Variants in TONSL observed in about 807,000 individuals in gnomAD.
The protein encoded by TONSL is tonsoku like, DNA repair protein, also known as tonsoku-like protein.
Under a neutral mutation model 147.1 loss-of-function variants are expected in TONSL, and 112 were observed. That is an observed-to-expected ratio of 0.76 (90% CI 0.65 to 0.89). The LOEUF is 0.89. Ranked by LOEUF, TONSL falls within the 40% of genes least tolerant of loss-of-function variation. The pLI, the probability that TONSL is intolerant of heterozygous loss-of-function variation, is 0.00. For missense variants in TONSL, 1,883 were observed against 1,864.6 expected, an observed-to-expected ratio of 1.01 and a Z score of -0.18; for synonymous variants, 868 against 801.5, an observed-to-expected ratio of 1.08 and a Z score of -1.40.
chr8:144,429,073 G>A lies in TONSL; in HGVS notation c.*70C>T, dbSNP rs1318322891. 1 of 1,439,012 alleles carries A rather than the reference G, an allele frequency of 6.9e-7. No individual in the cohort carries two copies. The highest frequency in any genetic ancestry group is 1.5e-5 in the African/African-American group (1 of 68,088). 89.1% of individuals were successfully genotyped at this position (1,439,012 alleles called of 1,614,324 possible). On this transcript the variant is annotated 3_prime_UTR_variant, in exon 26 of 26. Coordinates refer to ENST00000409379, the MANE Select transcript of TONSL (RefSeq NM_013432.5). Reference sequence around the variant, plus strand: ...CAAAGTGTTGGGATTACAGGCGTGAGCCACCGCGCCCGGCCAGCAGCTTCA... The same window carrying A: ...CAAAGTGTTGGGATTACAGGCGTGAACCACCGCGCCCGGCCAGCAGCTTCA...
Position 144,433,712 on chromosome 8 carries a change from A to C in TONSL, c.3435T>G (p.Cys1145Trp). 1 of 1,608,620 alleles carries C rather than the reference A, an allele frequency of 6.2e-7. No homozygotes were observed. Among genetic ancestry groups the C allele is most frequent in the Non-Finnish European group, 8.5e-7 (1 of 1,177,988 alleles). Residue 1145 changes from cysteine to tryptophan, a missense_variant, in exon 22 of 26, where the codon TGT becomes TGG. Transcript: ENST00000409379. ...GCAGGAGGGAGGCCAGGGACTGGCC[A>C]CAGCCGTCCCCCAGGGGGTTCATGC... is the stretch of plus-strand genomic sequence containing the variant. ...DLSMNPLGDG[C>W]GQSLASLLHA...
At chr8:144,434,324 T>C in intron 20 of TONSL, 45 bp from the exon 21 acceptor site, 1 of 1,450,386 alleles carries the variant, frequency 6.9e-7, no homozygotes, top group Admixed American at 2.7e-5. Context: ...CGGCCCTTTC[T>C]GCCCTCTGAA....
rs375292094 is a variant in TONSL, at chr8:144,440,998, A to T, written c.979T>A (p.Phe327Ile). The T allele has an allele frequency of 1.1e-5, 17 of 1,613,056 alleles. No individual in the cohort carries two copies. Among genetic ancestry groups the T allele is most frequent in the Non-Finnish European group, 1.4e-5 (16 of 1,179,988 alleles). The change falls in exon 8 of 26, where the codon TTT becomes ATT. Residue 327 changes from phenylalanine to isoleucine, a missense_variant. By Grantham distance (21) the Phe-to-Ile change is conservative. Coordinates refer to ENST00000409379, the MANE Select transcript of TONSL (RefSeq NM_013432.5). ...TGGTAAGCCTCAGCTGCCCTGGGAA[A>T]GTCTCCTGCCTTGGAGAAGAGGTCC... ...LGDLFSKAGD[F>I]PRAAEAYQKQ...
chr8:144,440,277 G>T, intron 10 of TONSL, 67 bp from the exon 11 acceptor site: 1 of 1,557,682 alleles, frequency 6.4e-7, no homozygotes, highest in Non-Finnish European at 8.7e-7. Context: ...TGGGGATGGG[G>T]CACAAGGGGC....
chr8:144,436,623 T>G lies in TONSL; in HGVS notation c.1949A>C (p.Asp650Ala). Reference sequence around the variant, plus strand: ...CCTGGCCTTCTGCCGCGTCTCCAGGTCCAGGTCCCTGCGGTACAGCTTCAC... The same window carrying G: ...CCTGGCCTTCTGCCGCGTCTCCAGGGCCAGGTCCCTGCGGTACAGCTTCAC... ...QWVKLYRRDL[D>A]LETRQKARAM... The change falls in exon 16 of 26, where the codon GAC becomes GCC. Residue 650 changes from aspartate to alanine, a missense_variant. Transcript: ENST00000409379. The G allele has an allele frequency of 6.2e-7, 1 of 1,612,068 alleles. No homozygotes were observed. Among genetic ancestry groups the G allele is most frequent in the Non-Finnish European group, 8.5e-7 (1 of 1,179,928 alleles).
At chr8:144,441,246 A>C in intron 7 of TONSL, 135 bp from the exon 8 acceptor site, 1 of 1,268,916 alleles carries the variant, frequency 7.9e-7, no homozygotes. Context: ...GTGGGGGTTA[A>C]TAGCAGGGTC....
chr8:144,441,499 G>T, intron 7 of TONSL: 1 of 211,746 alleles, frequency 4.7e-6, no homozygotes, highest in Admixed American at 5.2e-5. Context: ...GGCTGAGGCA[G>T]GAGAATGGCA....
rs1035298966 is a variant in TONSL at position 144,443,280 on chromosome 8, G to T, written c.306C>A (p.Asn102Lys). 1 of 1,550,624 alleles carries T rather than the reference G, an allele frequency of 6.4e-7. No individual in the cohort carries two copies. The highest frequency in any genetic ancestry group is 1.4e-5 in the African/African-American group (1 of 73,078). ...CCCAGGCCCTCTGCAGCTCCGTGTG[G>T]TTGCGCAGGGAATGTGCCAGCTCCA... ...QYLELAHSLRNHTELQRAWAT... is the reference protein window; with the variant it reads ...QYLELAHSLRKHTELQRAWAT... The change falls in exon 4 of 26, where the codon AAC (asparagine) becomes AAA (lysine). Residue 102 changes from asparagine to lysine, a missense_variant. Transcript: ENST00000409379.
At chr8:144,442,982 G>T in intron 4 of TONSL, 156 bp downstream of exon 4, 1 of 1,227,442 alleles carries the variant, frequency 8.1e-7, no homozygotes, top group Non-Finnish European at 1.1e-6. Context: ...CGATCTCCAG[G>T]GGAAAGGTTG....
Position 144,429,288 on chromosome 8 carries a change from G to A in TONSL, c.3992C>T (p.Ala1331Val), listed in dbSNP as rs1823067368. Residue 1331 changes from alanine (A) to valine (V), a missense_variant, in exon 26 of 26, where the codon GCC (alanine) becomes GTC (valine). Physicochemically the swap from Ala to Val is moderately conservative, Grantham distance 64. Transcript: ENST00000409379. ...CAGCTGCAGTTCCCGGAGCTGCGCG[G>A]CTATCTTGTCCCACAGGCCCAGGCC... ...PLGLGLWDKI[A>V]AQLRELQLCS... 4 of 1,510,472 alleles carry A rather than the reference G, an allele frequency of 2.6e-6. No individual in the cohort carries two copies. The highest frequency in any genetic ancestry group is 1.2e-5 in the South Asian group (1 of 81,946). 93.6% of individuals were successfully genotyped at this position (1,510,472 alleles called of 1,614,324 possible).
rs779139647 is a variant in TONSL at position 144,438,710 on chromosome 8, C to T, written c.1506G>A (p.Pro502=). The T allele has an allele frequency of 1.7e-5, 28 of 1,613,098 alleles. No individual in the cohort carries two copies. Among genetic ancestry groups the T allele is most frequent in the South Asian group, 5.5e-5 (5 of 91,072 alleles). ...GAAGCTCCTCGTCCTCCTCCAGCTGCGGGGTCAGGCCATCGGTGTCGTCCT... is the reference window on the plus strand; with the variant it reads ...GAAGCTCCTCGTCCTCCTCCAGCTGTGGGGTCAGGCCATCGGTGTCGTCCT... ...EGEDDTDGLT[P]QLEEDEELQG... is the part of the protein sequence containing the mutation. Residue 502 remains proline, a synonymous_variant, in exon 12 of 26, where the codon CCG becomes CCA. Coordinates refer to ENST00000409379, the MANE Select transcript of TONSL (RefSeq NM_013432.5).
At position 144,431,082 on chromosome 8, in the gene TONSL, A is replaced by C. The variant is rs574845380; in HGVS notation, c.3805T>G (p.Cys1269Gly). Residue 1269 changes from cysteine to glycine, a missense_variant, in exon 24 of 26, where the codon TGC becomes GGC. Cys to Gly is a radical substitution (Grantham distance 159). Transcript: ENST00000409379. The stretch of plus-strand genomic sequence containing the variant: ...GCAGCAGGGAAAGGGCGTTACCTGC[A>C]CAGGTCTCTAACAGCCTTGTCCCCC... ...HLGDKAVRDL[C>G]RCLSLCPSLI... 87 of 1,614,136 alleles carry C rather than the reference A, an allele frequency of 5.4e-5. No individual in the cohort carries two copies. The highest frequency in any genetic ancestry group is 6.9e-5 in the Non-Finnish European group (82 of 1,179,982).
rs572138803 is a variant in TONSL, at chr8:144,443,093, C to G, written c.448+45G>C. On this transcript the variant is annotated intron_variant, in intron 4 of 25. Transcript: ENST00000409379. ...CGGGGGTGCTGGGCTGCAGCCTCTT[C>G]GGCCCGAAGTTCAGGAGGCAGAAAA... The G allele has an allele frequency of 2.6e-6, 4 of 1,532,046 alleles. No individual in the cohort carries two copies. In the African/African-American group the frequency reaches 5.5e-5, roughly 21 times the overall value. The allele number at this position is 1,532,046 out of a possible 1,614,324, so 94.9% of individuals were successfully genotyped here.
Position 144,440,031 on chromosome 8 carries a change from G to A in TONSL, c.1470C>T (p.Leu490=). 6 of 1,318,202 alleles carry A rather than the reference G, an allele frequency of 4.6e-6. No individual in the cohort carries two copies. The highest frequency in any genetic ancestry group is 6.6e-6 in the Non-Finnish European group (6 of 911,750). The allele number at this position is 1,318,202 out of a possible 1,614,324, so 81.7% of individuals were successfully genotyped here. Residue 490 remains leucine (L), a synonymous_variant, in exon 11 of 26, where the codon CTC becomes CTT. Coordinates refer to ENST00000409379, the MANE Select transcript of TONSL (RefSeq NM_013432.5). ...SEALEAGEVE[L]SEGEDDTDGL... ...GCCGCTGGCCCTCACCGCCCTCTGA[G>A]AGCTCCACCTCGCCGGCCTCCAGGG...
At position 144,444,390 on chromosome 8, in the gene TONSL, G is replaced by T; in HGVS notation, c.25C>A (p.Gln9Lys). MSLERELR[Q>K]LSKAKAKAQR... ...AGGAAGGGGTCCCCGAGGAACTTAC[G>T]GCGAAGCTCGCGCTCCAGGCTCATG... Residue 9 changes from glutamine to lysine, a missense_variant and splice_region_variant, in exon 1 of 26, where the codon CAG becomes AAG. Physicochemically the swap from Gln to Lys is moderately conservative, Grantham distance 53. Transcript: ENST00000409379. The T allele has an allele frequency of 2.4e-6, 3 of 1,272,776 alleles. No individual in the cohort carries two copies. Among genetic ancestry groups the T allele is most frequent in the Non-Finnish European group, 3.0e-6 (3 of 1,007,496 alleles). 78.8% of individuals were successfully genotyped at this position (1,272,776 alleles called of 1,614,324 possible).
In TONSL at chr8:144,429,057, G is replaced by A. The variant is rs1214921941; in HGVS notation, c.*86C>T. 3 of 1,391,290 alleles carry A rather than the reference G, an allele frequency of 2.2e-6. No individual in the cohort carries two copies. Among genetic ancestry groups the A allele is most frequent in the Non-Finnish European group, 2.8e-6 (3 of 1,063,840 alleles). The allele number at this position is 1,391,290 out of a possible 1,614,324, so 86.2% of individuals were successfully genotyped here. A position where few individuals can be genotyped will look rare whatever the true frequency, so the allele number is the denominator to read the frequency against. On this transcript the variant is annotated 3_prime_UTR_variant, in exon 26 of 26. Coordinates refer to ENST00000409379, the MANE Select transcript of TONSL (RefSeq NM_013432.5). ...GCCCGCCTGGGCCTCCCAAAGTGTT[G>A]GGATTACAGGCGTGAGCCACCGCGC...
chr8:144,432,552 G>A, intron 22 of TONSL, 92 bp from the exon 23 acceptor site: 1 of 1,318,958 alleles, frequency 7.6e-7, no homozygotes, highest in Non-Finnish European at 1.0e-6. Flanking sequence ...ACCCCTTTGG[G>A]GAAACCACTA....
chr8:144,439,465 C>G (rs573399540), intron 11 of TONSL, among the ~76,000 whole-genome samples: 4 of 152,168 alleles, frequency 2.6e-5, no homozygotes, highest in Non-Finnish European at 5.9e-5. Context: ...CCCTGGAACA[C>G]CCCCCAACAG....
chr8:144,439,865 C>G lies in TONSL; in HGVS notation c.1480+156G>C, dbSNP rs1823634878. On this transcript the variant is annotated intron_variant, in intron 11 of 25. Coordinates refer to ENST00000409379, the MANE Select transcript of TONSL (RefSeq NM_013432.5). ...GCCCCAGGCTCCCTGCGGGTCACCA[C>G]CTTCTCTGTCCAGTTCCGGGAAAGC... The G allele has an allele frequency of 2.3e-5, 13 of 571,088 alleles. No homozygotes were observed. The South Asian group carries it at 3.0e-4, about 13-fold the overall frequency. 35.4% of individuals were successfully genotyped at this position (571,088 alleles called of 1,614,324 possible). A position where few individuals can be genotyped will look rare whatever the true frequency, so the allele number is the denominator to read the frequency against.
Sources: gnomAD v4.1 joint callset for allele counts (sites outside exome capture counted in the v4.1 genomes callset) on GRCh38, gnomAD v4.1.1 for gene constraint, MANE v1.5 for transcripts, NCBI Gene and HGNC (gene_info 2026-07-23, HGNC 2026-07-21) for gene names.